The following LINGO2 variants were observed in gnomAD, a reference collection of about 807,000 sequenced individuals.
LINGO2 encodes leucine rich repeat and Ig domain containing 2, also known as leucine-rich repeat and immunoglobulin-like domain-containing nogo receptor-interacting protein 2.
LINGO2 carries 14 observed loss-of-function variants against 30.6 expected under a neutral mutation model. That is an observed-to-expected ratio of 0.46 (90% CI 0.30 to 0.72). The LOEUF (loss-of-function observed/expected upper bound fraction) is 0.72, where lower values mean the gene tolerates loss of function less well. Ranked by LOEUF, LINGO2 falls within the 30% of genes least tolerant of loss-of-function variation. The probability of loss-of-function intolerance (pLI) is 0.07; values close to 1 mark genes in which losing one functional copy is unlikely to be tolerated. For synonymous variants in LINGO2, 317 were observed against 288.5 expected, an observed-to-expected ratio of 1.10 and a Z score of -1.00; for missense variants, 729 against 751.7, an observed-to-expected ratio of 0.97 and a Z score of 0.35.
chr9:28,632,689 T>TAGA lies in LINGO2; in HGVS notation c.-365+37510_-365+37511insTCT, dbSNP rs1227302747. On this transcript the variant is annotated intron_variant, in intron 1 of 5. Coordinates refer to ENST00000379992, the Ensembl canonical transcript of LINGO2. ...TATAAAATATCTATATAAAAATATA[T>TAGA]TTATATAGATCTATATATTTATATA... Among the ~76,000 whole-genome samples the TAGA allele has an allele frequency of 8.5e-3, 1,045 of 123,172 alleles. 12 individuals are homozygous for TAGA. Among genetic ancestry groups the TAGA allele is most frequent in the South Asian group, 0.016 (66 of 4,196 alleles). 80.8% of individuals were successfully genotyped at this position (123,172 alleles called of 152,430 possible).
At chr9:28,581,339 T>C (rs1407150926) in intron 1 of LINGO2, among the ~76,000 whole-genome samples, 1 of 151,822 alleles carries the variant, frequency 6.6e-6, no homozygotes, top group Non-Finnish European at 1.5e-5. Context: ...TAAAAATTTA[T>C]AGGAGAAACT....
At chr9:29,072,636 G>A in the LINGO2 span, among the ~76,000 whole-genome samples, 1 of 114,072 alleles carries the variant, frequency 8.8e-6, no homozygotes, top group African/African-American at 3.5e-5. Flanking sequence ...TATATCAAGA[G>A]TCCTAAATAA....
chr9:29,011,939 G>A, the LINGO2 span, among the ~76,000 whole-genome samples: 5 of 152,098 alleles, frequency 3.3e-5, no homozygotes, highest in African/African-American at 7.2e-5. Flanking sequence ...CTGAAAATCC[G>A]TGGGGAAAAG....
intron 4 of LINGO2, among the ~76,000 whole-genome samples, chr9:28,068,858 A>T (rs1198938267): frequency 6.6e-6 from 1 of 152,162 alleles, no homozygotes; most frequent in Non-Finnish European, 1.5e-5. Context: ...TCATTTATTC[A>T]TTCATGCAAA....
intron 3 of LINGO2, among the ~76,000 whole-genome samples, chr9:28,319,482 A>G (rs1395019986): frequency 6.6e-6 from 1 of 151,538 alleles, no homozygotes; most frequent in East Asian, 1.9e-4. Flanking sequence ...GAGATTTATA[A>G]GTTTCAGGGA....
intron 4 of LINGO2, among the ~76,000 whole-genome samples, chr9:28,014,146 A>T (rs971507569): frequency 1.3e-5 from 2 of 152,170 alleles, no homozygotes; most frequent in Non-Finnish European, 2.9e-5. Flanking sequence ...GCCTTATTCA[A>T]TAATTCTTAG....
chr9:28,968,759 G>A, the LINGO2 span, among the ~76,000 whole-genome samples: 3 of 152,154 alleles, frequency 2.0e-5, no homozygotes, highest in Admixed American at 6.5e-5. Flanking sequence ...TTATCTTCAT[G>A]TTTCTTGGAA....
exon 6 of LINGO2, chr9:27,950,043 T>C (rs1366498643): frequency 6.2e-7 from 1 of 1,614,096 alleles, no homozygotes; most frequent in East Asian, 2.2e-5. Context: ...GATATTGAGA[T>C]GCTTCAGATG....
chr9:28,632,991 A>G (rs1827073234), intron 1 of LINGO2, among the ~76,000 whole-genome samples: 1 of 150,696 alleles, frequency 6.6e-6, no homozygotes, highest in Non-Finnish European at 1.5e-5. Context: ...AAGGACAGCC[A>G]GCCCGAGAGC....
chr9:28,926,734 A>C, the LINGO2 span, among the ~76,000 whole-genome samples: 1 of 152,224 alleles, frequency 6.6e-6, no homozygotes, highest in Non-Finnish European at 1.5e-5. Context: ...GCTCTATTTA[A>C]CAAACTTCTA....
chr9:28,185,732 T>C (rs545088533), intron 4 of LINGO2, among the ~76,000 whole-genome samples: 1 of 152,254 alleles, frequency 6.6e-6, no homozygotes, highest in East Asian at 1.9e-4. Flanking sequence ...TGGCTACAGA[T>C]ACTCCTAGGG....
chr9:28,631,120 C>CATTT lies in LINGO2; in HGVS notation c.-365+39076_-365+39079dup, dbSNP rs908357207. The stretch of plus-strand genomic sequence containing the variant: ...ACCAGTACTCCAAGGATCAATGCTA[C>CATTT]ATTTATTTATTTATTTATTGCTTTA... On this transcript the variant is annotated intron_variant, in intron 1 of 5. Transcript: ENST00000379992. Among the ~76,000 whole-genome samples, 30 of 151,674 alleles carry CATTT rather than the reference C, an allele frequency of 2.0e-4. 1 individual carries two copies. Among genetic ancestry groups the CATTT allele is most frequent in the Non-Finnish European group, 3.7e-4 (25 of 67,894 alleles).
the LINGO2 span, among the ~76,000 whole-genome samples, chr9:28,927,897 T>A: frequency 6.6e-6 from 1 of 152,158 alleles, no homozygotes; most frequent in Non-Finnish European, 1.5e-5. Context: ...AGTGACAGAG[T>A]TGTGATTCAG....
At chr9:29,072,200 T>C in the LINGO2 span, among the ~76,000 whole-genome samples, 4 of 152,024 alleles carry the variant, frequency 2.6e-5, no homozygotes, top group African/African-American at 4.8e-5. Flanking sequence ...AAGTTAATAA[T>C]TGCAAAGTTC....
the LINGO2 span, among the ~76,000 whole-genome samples, chr9:29,089,862 T>C: frequency 6.6e-6 from 1 of 152,028 alleles, no homozygotes. Flanking sequence ...CATGGAATGG[T>C]ATGTAAACCC....
chr9:28,822,943 T>C, the LINGO2 span, among the ~76,000 whole-genome samples: 2 of 152,104 alleles, frequency 1.3e-5, no homozygotes, highest in African/African-American at 4.8e-5. Context: ...GAATAAAAAA[T>C]ATACTTTTTT....
intron 3 of LINGO2, among the ~76,000 whole-genome samples, chr9:28,312,155 C>CTTTCTTTT (rs1554703781): frequency 4.9e-5 from 7 of 143,262 alleles, no homozygotes; most frequent in Non-Finnish European, 9.1e-5. Context: ...TTTCTTTTTT[C>CTTTCTTTT]TTTTTTTTGT....
chr9:28,771,359 T>C, the LINGO2 span, among the ~76,000 whole-genome samples: 41 of 152,058 alleles, frequency 2.7e-4, no homozygotes, highest in Admixed American at 2.7e-3. Flanking sequence ...GAATTTACTA[T>C]TTCAATAAGA....
In LINGO2 at chr9:28,558,589, C is replaced by A. The variant is rs117465350; in HGVS notation, c.-364-82564G>T. ...CAGAAGTCTAACTGTTCAAGAGACT[C>A]CAAACTACTTTTATGGTATTTAGCC... On this transcript the variant is annotated intron_variant, in intron 1 of 5. Transcript: ENST00000379992. Among the ~76,000 whole-genome samples the A allele has an allele frequency of 4.8e-3, 727 of 152,110 alleles. 3 individuals are homozygous for A. Among genetic ancestry groups the A allele is most frequent in the Non-Finnish European group, 6.5e-3 (440 of 67,990 alleles).
Sources: allele counts gnomAD v4.1 joint callset (sites outside exome capture counted in the v4.1 genomes callset), GRCh38; gene constraint gnomAD v4.1.1; transcripts MANE v1.5; gene names NCBI Gene and HGNC (gene_info 2026-07-23, HGNC 2026-07-21).